SLC27A4: variants seen among roughly 807,000 people sequenced by gnomAD.
SLC27A4 encodes the protein long-chain fatty acid transport protein 4.
Under a neutral mutation model 64.4 loss-of-function variants are expected in SLC27A4, and 33 were observed. The observed-to-expected ratio is 0.51, with a 90% CI of 0.39 to 0.68. The LOEUF is 0.68. SLC27A4 is among the 30% of genes least tolerant of loss of function. SLC27A4 has a pLI of 0.00. For missense variants in SLC27A4, 824 were observed against 883.5 expected (o/e 0.93, Z 0.85); for synonymous variants, 377 against 370.0 (o/e 1.02, Z -0.22).
At chr9:128,348,837 A>C in intron 4 of SLC27A4, 134 bp downstream of exon 4, 1 of 900,180 alleles carries the variant, frequency 1.1e-6, no homozygotes, top group Non-Finnish European at 1.7e-6. Context: ...CCCTTTTTCC[A>C]TCTGGAAAAT....
intron 9 of SLC27A4, among the ~76,000 whole-genome samples, chr9:128,354,669 T>C (rs985332008): frequency 2.6e-5 from 4 of 151,622 alleles, no homozygotes; most frequent in African/African-American, 9.7e-5. Context: ...GAGTACAGGC[T>C]GGGAGTGGTG....
Position 128,360,958 on chromosome 9 carries a change from C to G in SLC27A4, c.*467C>G. 1.5e-5 allele frequency: 3 copies of G among 197,310 alleles called. No individual in the cohort carries two copies. The highest frequency in any genetic ancestry group is 5.3e-5 in the Admixed American group (1 of 18,810). 12.2% of individuals were successfully genotyped at this position (197,310 alleles called of 1,614,324 possible). On this transcript the variant is annotated 3_prime_UTR_variant, in exon 13 of 13. Transcript: ENST00000300456. ...CTGCCCAAGTTCACTGGGCTCCACC[C>G]CCACCTCCAGGAGGGGAGGAGAGGA...
chr9:128,359,622 C>T (rs145743026), intron 12 of SLC27A4, among the ~76,000 whole-genome samples: 4 of 152,116 alleles, frequency 2.6e-5, no homozygotes, highest in Middle Eastern at 3.4e-3. Flanking sequence ...AGGACTCCGT[C>T]TCCAATAAAG....
rs769075659 is a variant in SLC27A4 at position 128,342,352 on chromosome 9, G to A, written c.-6-775G>A. The A allele has an allele frequency of 4.3e-6, 7 of 1,611,542 alleles. No individual in the cohort carries two copies. The African/African-American group carries it at 9.4e-5, about 22-fold the overall frequency. ...AGAAACGATTGAACAGGAGAAGCAA[G>A]CAAGCGAATCGTAATGAGGCGTGCA... On this transcript the variant is annotated intron_variant, in intron 1 of 12. Coordinates refer to ENST00000300456, the MANE Select transcript of SLC27A4 (RefSeq NM_005094.4).
At position 128,353,137 on chromosome 9, in the gene SLC27A4, T is replaced by C. The variant is rs1447137227; in HGVS notation, c.1100T>C (p.Ile367Thr). The C allele has an allele frequency of 1.2e-6, 2 of 1,614,178 alleles. No homozygotes were observed. Among genetic ancestry groups the C allele is most frequent in the African/African-American group, 1.3e-5 (1 of 75,042 alleles). ...CTAGGCAATGGCCTCCGGCAGTCCATCTGGACCAACTTTTCCAGCCGCTTC... is the reference window on the plus strand; with the variant it reads ...CTAGGCAATGGCCTCCGGCAGTCCACCTGGACCAACTTTTCCAGCCGCTTC... ...MALGNGLRQSIWTNFSSRFHI... is the reference protein window; with the variant it reads ...MALGNGLRQSTWTNFSSRFHI... The change falls in exon 8 of 13, where the codon ATC becomes ACC. Residue 367 changes from isoleucine (I) to threonine (T), a missense_variant. Transcript: ENST00000300456. This position sits in a 1 kb window ranked among gnomAD's most constrained non-coding sequence, Gnocchi z 4.9.
At chr9:128,340,981 G>C in intron 1 of SLC27A4, 143 bp downstream of exon 1, 1 of 485,266 alleles carries the variant, frequency 2.1e-6, no homozygotes, top group Non-Finnish European at 3.7e-6. Context: ...TTGCTGTCTA[G>C]GGGCGAGGGC....
chr9:128,350,682 G>A (rs1255199633), intron 6 of SLC27A4, 107 bp downstream of exon 6: 6 of 897,064 alleles, frequency 6.7e-6, no homozygotes, highest in African/African-American at 3.3e-5. Context: ...TGGGCCAGGC[G>A]CAGTGACTCA....
At chr9:128,352,810 T>G (rs1289144844) in intron 7 of SLC27A4, 63 bp downstream of exon 7, 3 of 1,302,236 alleles carry the variant, frequency 2.3e-6, no homozygotes, top group African/African-American at 2.9e-5. Context: ...CCAACTACAC[T>G]CCGGGGCATC....
intron 12 of SLC27A4, among the ~76,000 whole-genome samples, chr9:128,359,628 TAAAG>T (rs895830442): frequency 2.0e-5 from 3 of 151,420 alleles, no homozygotes; most frequent in African/African-American, 7.3e-5. Context: ...CCGTCTCCAA[TAAAG>T]AAAGAAAGAA....
chr9:128,350,251 G>T (rs1832712391), intron 4 of SLC27A4, 61 bp from the exon 5 acceptor site: 5 of 1,423,790 alleles, frequency 3.5e-6, no homozygotes, highest in Non-Finnish European at 4.9e-6. Context: ...GTGTCCATTT[G>T]TGTGACCCTT....
In SLC27A4 at chr9:128,353,558, T is replaced by G. The variant is rs1564402389; in HGVS notation, c.1324+17T>G. On this transcript the variant is annotated intron_variant, in intron 9 of 12. Coordinates refer to ENST00000300456, the MANE Select transcript of SLC27A4 (RefSeq NM_005094.4). The surrounding 1 kb of genome is among the most constrained non-coding windows in gnomAD (Gnocchi z 4.9). ...GCCAGCCAGGTCTGCCACTTCGGGG[T>G]CAGAGAGGGAGGGGTTGGCCTGGGA... The G allele has an allele frequency of 6.2e-6, 10 of 1,612,910 alleles. No homozygotes were observed. Among genetic ancestry groups the G allele is most frequent in the Non-Finnish European group, 8.5e-6 (10 of 1,179,332 alleles).
chr9:128,353,599 C>T lies in SLC27A4; in HGVS notation c.1324+58C>T, dbSNP rs957273055. Reference sequence around the variant, plus strand: ...TGGCCTGGGAAGGAAGGAGGCCAGGCGCGTGTGGATGGGGAGCCTTGTTCT... The same window carrying T: ...TGGCCTGGGAAGGAAGGAGGCCAGGTGCGTGTGGATGGGGAGCCTTGTTCT... On this transcript the variant is annotated intron_variant, in intron 9 of 12. Transcript: ENST00000300456. This position sits in a 1 kb window ranked among gnomAD's most constrained non-coding sequence, Gnocchi z 4.9. 8.7e-5 allele frequency: 138 copies of T among 1,588,454 alleles called. 1 individual carries two copies. Among genetic ancestry groups the T allele is most frequent in the South Asian group, 1.3e-4 (12 of 88,894 alleles).
chr9:128,358,563 C>T lies in SLC27A4; in HGVS notation c.1775-1771C>T, dbSNP rs182174456. On this transcript the variant is annotated intron_variant, in intron 12 of 12. Transcript: ENST00000300456. ...GGTTCAAGTGATTCTCCTGTCTCAGCGTCCCCAGTAGCTGGGATTACAGGC... is the reference window on the plus strand; with the variant it reads ...GGTTCAAGTGATTCTCCTGTCTCAGTGTCCCCAGTAGCTGGGATTACAGGC... 6.5e-3 allele frequency among the ~76,000 whole-genome samples: 997 copies of T among 152,324 alleles called. 7 individuals carry two copies. Among genetic ancestry groups the T allele is most frequent in the Middle Eastern group, 0.031 (9 of 294 alleles).
Position 128,340,602 on chromosome 9 carries a change from C to A in SLC27A4, c.-243C>A. 4.0e-6 allele frequency: 1 copy of A among 249,070 alleles called. No individual in the cohort carries two copies. The highest frequency in any genetic ancestry group is 7.3e-6 in the Non-Finnish European group (1 of 137,196). The allele number at this position is 249,070 out of a possible 1,614,324, so 15.4% of individuals were successfully genotyped here. A position where few individuals can be genotyped will look rare whatever the true frequency, so the allele number is the denominator to read the frequency against. ...GGGGAAGGTGCGGCAGGCGGTGCTG[C>A]GGCCTGGCACAGCAGGTTTGGGGTG... On this transcript the variant is annotated 5_prime_UTR_variant, in exon 1 of 13. Coordinates refer to ENST00000300456, the MANE Select transcript of SLC27A4 (RefSeq NM_005094.4).
chr9:128,342,842 C>A, intron 1 of SLC27A4: 1 of 536,590 alleles, frequency 1.9e-6, no homozygotes, highest in Non-Finnish European at 3.4e-6. Context: ...AAAGGTCTTG[C>A]CCAAGGTCAC....
rs981743729 is a variant in SLC27A4 at position 128,342,435 on chromosome 9, C to T, written c.-6-692C>T. The stretch of plus-strand genomic sequence containing the variant: ...TGCCTTCTTATTTTACTTCTTTTAG[C>T]TGTTTAACTTTGTAAGATGCAAAGA... On this transcript the variant is annotated intron_variant, in intron 1 of 12. Transcript: ENST00000300456. 4 of 1,592,332 alleles carry T rather than the reference C, an allele frequency of 2.5e-6. No individual in the cohort carries two copies. The African/African-American group carries it at 5.4e-5, about 21-fold the overall frequency.
Position 128,360,966 on chromosome 9 carries a change from CAGGAGGGGAG to C in SLC27A4, c.*476_*485del. 4 of 194,364 alleles carry C rather than the reference CAGGAGGGGAG, an allele frequency of 2.1e-5. No individual in the cohort carries two copies. Among genetic ancestry groups the C allele is most frequent in the Admixed American group, 1.1e-4 (2 of 18,782 alleles). 12.0% of individuals were successfully genotyped at this position (194,364 alleles called of 1,614,324 possible). A position where few individuals can be genotyped will look rare whatever the true frequency, so the allele number is the denominator to read the frequency against. ...GTTCACTGGGCTCCACCCCCACCTC[CAGGAGGGGAG>C]GAGAGGACCTGACATCTGTAGGTGG... On this transcript the variant is annotated 3_prime_UTR_variant, in exon 13 of 13. Coordinates refer to ENST00000300456, the MANE Select transcript of SLC27A4 (RefSeq NM_005094.4).
Position 128,355,434 on chromosome 9 carries a change from A to C in SLC27A4, c.1499A>C (p.Tyr500Ser). ...GTGATGGACGAGCTGGGCTACCTGT[A>C]CTTCCGAGACCGCACTGGGGACACG... ...VLVMDELGYL[Y>S]FRDRTGDTFR... Residue 500 changes from tyrosine to serine, a missense_variant, in exon 11 of 13, where the codon TAC becomes TCC. By Grantham distance (144) the Tyr-to-Ser change is moderately radical. Transcript: ENST00000300456. 6.2e-7 allele frequency: 1 copy of C among 1,613,590 alleles called. No homozygotes were observed. The highest frequency in any genetic ancestry group is 1.7e-5 in the Admixed American group (1 of 60,014).
chr9:128,354,006 G>A (rs1227307085), intron 9 of SLC27A4, among the ~76,000 whole-genome samples: 1 of 151,522 alleles, frequency 6.6e-6, no homozygotes, highest in Non-Finnish European at 1.5e-5. Context: ...GCCTCCCAAA[G>A]TGCTGGGATT....
Sources: gnomAD v4.1 joint callset for allele counts (sites outside exome capture counted in the v4.1 genomes callset) on GRCh38, gnomAD v4.1.1 for gene constraint, Gnocchi (gnomAD v3.1) non-coding constraint, MANE v1.5 for transcripts, NCBI Gene and HGNC (gene_info 2026-07-23, HGNC 2026-07-21) for gene names.